GOLIM4: variants seen among roughly 807,000 people sequenced by gnomAD.
GOLIM4 encodes the protein golgi integral membrane protein 4.
GOLIM4 carries 71 observed loss-of-function variants against 107.4 expected under a neutral mutation model. The observed-to-expected ratio is 0.66, with a 90% CI of 0.55 to 0.81. The LOEUF (loss-of-function observed/expected upper bound fraction) is 0.81. Ranked by LOEUF, GOLIM4 falls within the 30% of genes least tolerant of loss-of-function variation. GOLIM4 has a pLI of 0.00. For missense variants in GOLIM4, 830 were observed against 826.1 expected, an observed-to-expected ratio of 1.00 and a Z score of -0.06; for synonymous variants, 327 against 294.8, an observed-to-expected ratio of 1.11 and a Z score of -1.12.
chr3:168,050,379 A>G (rs1400150676), intron 1 of GOLIM4, among the ~76,000 whole-genome samples: 3 of 152,206 alleles, frequency 2.0e-5, no homozygotes, highest in Non-Finnish European at 4.4e-5. Flanking sequence ...CCCATCTTAA[A>G]TTAAGTTTGG....
At position 168,043,438 on chromosome 3, in the gene GOLIM4, T is replaced by C. The variant is rs138686297; in HGVS notation, c.458A>G (p.His153Arg). 26 of 1,612,956 alleles carry C rather than the reference T, an allele frequency of 1.6e-5. No individual in the cohort carries two copies. In the African/African-American group the frequency reaches 2.7e-4, roughly 17 times the overall value. Reference sequence around the variant, plus strand: ...CTGGAGCTGCAAGTATTTTTGCTTATGGTCATTAAATGTTCTACTGAAGTC... The same window carrying C: ...CTGGAGCTGCAAGTATTTTTGCTTACGGTCATTAAATGTTCTACTGAAGTC... ...GEDFSRTFND[H>R]KQKYLQLQQE... is the part of the protein sequence containing the mutation. The change falls in exon 5 of 16, where the codon CAT becomes CGT. Residue 153 changes from histidine to arginine, a missense_variant. Physicochemically the swap from His to Arg is conservative, Grantham distance 29. Coordinates refer to ENST00000470487, the MANE Select transcript of GOLIM4 (RefSeq NM_014498.5).
In GOLIM4 at chr3:168,032,699, G is replaced by A; in HGVS notation, c.997C>T (p.His333Tyr). The A allele has an allele frequency of 1.2e-6, 2 of 1,614,006 alleles. No individual in the cohort carries two copies. Among genetic ancestry groups the A allele is most frequent in the Non-Finnish European group, 1.7e-6 (2 of 1,180,024 alleles). The change falls in exon 9 of 16, where the codon CAT becomes TAT. Residue 333 changes from histidine to tyrosine, a missense_variant. Coordinates refer to ENST00000470487, the MANE Select transcript of GOLIM4 (RefSeq NM_014498.5). ...QEVERREPEE[H>Y]QVEEEHRKAL... The stretch of plus-strand genomic sequence containing the variant: ...TTTCTGTGCTCCTCTTCCACCTGAT[G>A]CTCCTCAGGTTCTCTGCGTTCCACT...
At chr3:168,070,755 G>T (rs906207743) in intron 1 of GOLIM4, among the ~76,000 whole-genome samples, 2 of 152,182 alleles carry the variant, frequency 1.3e-5, no homozygotes, top group Non-Finnish European at 2.9e-5. Flanking sequence ...CTTTCTAGAA[G>T]AGGGTTGTTG....
intron 8 of GOLIM4, among the ~76,000 whole-genome samples, chr3:168,035,633 G>A (rs1343236882): frequency 6.6e-6 from 1 of 152,132 alleles, no homozygotes. Context: ...ACAACACACT[G>A]TACGGCCTAT....
At chr3:168,012,127 G>T (rs1169704339) in intron 14 of GOLIM4, among the ~76,000 whole-genome samples, 1 of 118,176 alleles carries the variant, frequency 8.5e-6, no homozygotes, top group Non-Finnish European at 1.6e-5. Flanking sequence ...AGGCAAAGAA[G>T]TTGAAAACTT....
chr3:168,061,974 T>A (rs1199543348), intron 1 of GOLIM4, among the ~76,000 whole-genome samples: 1 of 152,204 alleles, frequency 6.6e-6, no homozygotes, highest in Non-Finnish European at 1.5e-5. Flanking sequence ...TTTGTGAATG[T>A]ATAATTCAAT....
intron 2 of GOLIM4, among the ~76,000 whole-genome samples, chr3:168,047,797 G>A (rs910064434): frequency 6.6e-5 from 10 of 152,282 alleles, no homozygotes; most frequent in Admixed American, 6.5e-4. Context: ...ATCAACTGAT[G>A]TGTCAATAAA....
At chr3:168,076,222 A>C (rs1721077231) in intron 1 of GOLIM4, among the ~76,000 whole-genome samples, 1 of 152,258 alleles carries the variant, frequency 6.6e-6, no homozygotes, top group South Asian at 2.1e-4. Context: ...TTTTTAAATA[A>C]AAGAATCTAA....
chr3:168,026,504 A>G (rs374942166), intron 12 of GOLIM4, among the ~76,000 whole-genome samples: 4 of 152,230 alleles, frequency 2.6e-5, no homozygotes, highest in Admixed American at 6.5e-5. Flanking sequence ...ACAAAGGCCA[A>G]TGTTTCCCAG....
chr3:168,044,116 T>C lies in GOLIM4; in HGVS notation c.367-587A>G, dbSNP rs1417755322. Among the ~76,000 whole-genome samples the C allele has an allele frequency of 7.2e-5, 11 of 152,246 alleles. No individual in the cohort carries two copies. In the South Asian group the frequency reaches 2.1e-3, roughly 29 times the overall value. ...TCTCCAAGTGCTTAATGTGAAAGCA[T>C]GGTTTGCTTTAATTCATTTACTGCT... On this transcript the variant is annotated intron_variant, in intron 4 of 15. Coordinates refer to ENST00000470487, the MANE Select transcript of GOLIM4 (RefSeq NM_014498.5).
intron 8 of GOLIM4, among the ~76,000 whole-genome samples, chr3:168,033,086 T>C (rs1247018013): frequency 6.6e-6 from 1 of 152,118 alleles, no homozygotes; most frequent in Non-Finnish European, 1.5e-5. Flanking sequence ...ATACAGTAAA[T>C]AACCTGGAAA....
chr3:168,094,362 C>T (rs188133106), intron 1 of GOLIM4, among the ~76,000 whole-genome samples: 1 of 152,102 alleles, frequency 6.6e-6, no homozygotes, highest in Non-Finnish European at 1.5e-5. Context: ...TTTGGCTTCC[C>T]GAAGCTAACT....
intron 1 of GOLIM4, among the ~76,000 whole-genome samples, chr3:168,091,014 T>G (rs1179645808): frequency 6.9e-6 from 1 of 145,240 alleles, no homozygotes; most frequent in African/African-American, 2.8e-5. Context: ...CTACAAAAGG[T>G]GGGAGGCTAG....
chr3:168,034,226 G>C (rs944551756), intron 8 of GOLIM4, among the ~76,000 whole-genome samples: 3 of 152,090 alleles, frequency 2.0e-5, no homozygotes, highest in Non-Finnish European at 2.9e-5. Context: ...TTTCTCTAAA[G>C]AGCTCTAAGT....
intron 1 of GOLIM4, among the ~76,000 whole-genome samples, chr3:168,050,402 A>G (rs1719548742): frequency 6.6e-6 from 1 of 152,212 alleles, no homozygotes; most frequent in Non-Finnish European, 1.5e-5. Context: ...TAAAGAAAGG[A>G]AAGTGTAAGA....
intron 1 of GOLIM4, among the ~76,000 whole-genome samples, chr3:168,057,720 G>C (rs762193340): frequency 6.6e-6 from 1 of 152,212 alleles, no homozygotes; most frequent in East Asian, 1.9e-4. Flanking sequence ...GAGTGAGTGA[G>C]TGAAGTAATG....
Position 168,067,219 on chromosome 3 carries a change from A to G in GOLIM4, c.188-18854T>C, listed in dbSNP as rs1382873428. ...TAATTTTGTGACTACTTTATTAGTT[A>G]TTCAATGATGGAATAAAAACTACCA... On this transcript the variant is annotated intron_variant, in intron 1 of 15. Coordinates refer to ENST00000470487, the MANE Select transcript of GOLIM4 (RefSeq NM_014498.5). 4.6e-5 allele frequency among the ~76,000 whole-genome samples: 7 copies of G among 152,100 alleles called. No individual in the cohort carries two copies. The East Asian group carries it at 1.3e-3, about 29-fold the overall frequency.
rs1382837185 is a variant in GOLIM4, at chr3:168,085,468, T to C, written c.187+9631A>G. Among the ~76,000 whole-genome samples the C allele has an allele frequency of 5.9e-5, 9 of 152,296 alleles. No homozygotes were observed. The South Asian group carries it at 1.7e-3, about 28-fold the overall frequency. On this transcript the variant is annotated intron_variant, in intron 1 of 15. Coordinates refer to ENST00000470487, the MANE Select transcript of GOLIM4 (RefSeq NM_014498.5). Reference sequence around the variant, plus strand: ...ATATATGAATGTGGCTTTTGGCTAATGGAGAAAATTCAAAGAAGTTTCACA... The same window carrying C: ...ATATATGAATGTGGCTTTTGGCTAACGGAGAAAATTCAAAGAAGTTTCACA...
At chr3:168,029,726 G>T in intron 10 of GOLIM4, 54 bp downstream of exon 10, 2 of 1,586,202 alleles carry the variant, frequency 1.3e-6, no homozygotes, top group Non-Finnish European at 1.7e-6. Flanking sequence ...TTTAATTTGC[G>T]TATGAAAACT....
Sources: gnomAD v4.1 joint callset for allele counts (sites outside exome capture counted in the v4.1 genomes callset) on GRCh38, gnomAD v4.1.1 for gene constraint, MANE v1.5 for transcripts, NCBI Gene and HGNC (gene_info 2026-07-23, HGNC 2026-07-21) for gene names.